The following PPP2R2D variants were observed in gnomAD, a reference collection of about 807,000 sequenced individuals.
The protein encoded by PPP2R2D is serine/threonine-protein phosphatase 2A 55 kDa regulatory subunit B delta isoform.
PPP2R2D carries 9 observed loss-of-function variants against 31.1 expected under a neutral mutation model. The ratio of observed to expected loss-of-function variants is 0.29; its 90% CI spans 0.17 to 0.51. The LOEUF is 0.51. Ranked by LOEUF, PPP2R2D falls within the 20% of genes least tolerant of loss-of-function variation. The probability of loss-of-function intolerance (pLI) is 0.98; values close to 1 mark genes in which losing one functional copy is unlikely to be tolerated. For missense variants in PPP2R2D, 391 were observed against 465.6 expected (o/e 0.84, Z 1.48); for synonymous variants, 179 against 172.6 (o/e 1.04, Z -0.29).
chr10:131,910,263 G>T (rs1589922339), intron 2 of PPP2R2D, among the ~76,000 whole-genome samples: 1 of 152,072 alleles, frequency 6.6e-6, no homozygotes, highest in Non-Finnish European at 1.5e-5. Context: ...ATCACACGGG[G>T]GTTGTTTGGA....
At chr10:131,961,860 T>G (rs2120118000), downstream of PPP2R2D, among the ~76,000 whole-genome samples, 6 of 151,848 alleles carry the variant, frequency 4.0e-5, 2 homozygotes, top group Admixed American at 3.9e-4. Flanking sequence ...TCTTAAGGAC[T>G]GACAGTCTCC....
At chr10:131,922,053 T>G (rs1393804863) in intron 2 of PPP2R2D, among the ~76,000 whole-genome samples, 1 of 152,108 alleles carries the variant, frequency 6.6e-6, no homozygotes, top group African/African-American at 2.4e-5. Flanking sequence ...TTGAAAAGAG[T>G]GGCCCTACCT....
At chr10:131,964,328 GTTTT>G (rs880000811), downstream of PPP2R2D, among the ~76,000 whole-genome samples, 3 of 148,906 alleles carry the variant, frequency 2.0e-5, no homozygotes, top group Non-Finnish European at 1.5e-5. Flanking sequence ...GTGACTTTGT[GTTTT>G]TTTTTTGTTT....
At chr10:131,961,906 C>T (rs982984150), downstream of PPP2R2D, among the ~76,000 whole-genome samples, 4 of 152,042 alleles carry the variant, frequency 2.6e-5, no homozygotes, top group South Asian at 4.1e-4. Flanking sequence ...TAATTTCATG[C>T]GCCTCCGCCT....
downstream of PPP2R2D, among the ~76,000 whole-genome samples, chr10:131,960,986 C>T (rs1411143169): frequency 2.0e-5 from 3 of 152,028 alleles, no homozygotes; most frequent in African/African-American, 7.3e-5. Flanking sequence ...TCTTCTGTGG[C>T]GAGCTGTCCT....
At chr10:131,968,540 G>A in the PPP2R2D span, 1 of 1,601,888 alleles carries the variant, frequency 6.2e-7, no homozygotes, top group Middle Eastern at 1.7e-4. Context: ...GGTGCTGGTG[G>A]AGGTTGTCAG....
intron 8 of PPP2R2D, among the ~76,000 whole-genome samples, chr10:131,952,353 G>T (rs2119987185): frequency 1.4e-5 from 1 of 73,664 alleles, no homozygotes; most frequent in Non-Finnish European, 2.4e-5. Flanking sequence ...TGTGTGGGGG[G>T]GGTTCACTGT....
At chr10:131,964,246 G>A (rs1668733136), downstream of PPP2R2D, among the ~76,000 whole-genome samples, 1 of 152,086 alleles carries the variant, frequency 6.6e-6, no homozygotes, top group Non-Finnish European at 1.5e-5. Flanking sequence ...GACACAATGA[G>A]AATATCCTCT....
intron 7 of PPP2R2D, chr10:131,946,040 A>C (rs1427354550): frequency 1.3e-5 from 2 of 150,834 alleles, no homozygotes; most frequent in Admixed American, 1.3e-4. Context: ...GCCAGCACTG[A>C]GTCCCGCCAA....
In PPP2R2D at chr10:131,958,790, G is replaced by A. The variant is rs1554900792; in HGVS notation, c.*2827G>A. ...CCCTGTGGAGATGGAGGTGTGTGCT[G>A]ATCCCCCGTCCCCCTGTGGAGATGG... On this transcript the variant is annotated 3_prime_UTR_variant, in exon 9 of 9. Coordinates refer to ENST00000455566, the MANE Select transcript of PPP2R2D (RefSeq NM_018461.5). The A allele has an allele frequency of 3.8e-6, 1 of 266,570 alleles. No homozygotes were observed. Among genetic ancestry groups the A allele is most frequent in the Non-Finnish European group, 7.2e-6 (1 of 138,422 alleles). 16.5% of individuals were successfully genotyped at this position (266,570 alleles called of 1,614,324 possible). A position where few individuals can be genotyped will look rare whatever the true frequency, so the allele number is the denominator to read the frequency against.
chr10:131,901,787 C>G (rs2035503183), intron 2 of PPP2R2D, among the ~76,000 whole-genome samples: 1 of 152,072 alleles, frequency 6.6e-6, no homozygotes, highest in Non-Finnish European at 1.5e-5. Flanking sequence ...GGGGCCTCGG[C>G]CCCCACCAGG....
intron 2 of PPP2R2D, among the ~76,000 whole-genome samples, chr10:131,908,056 C>G (rs1210196006): frequency 6.6e-6 from 1 of 152,162 alleles, no homozygotes; most frequent in Non-Finnish European, 1.5e-5. Context: ...GCTGTTGCAA[C>G]TTGAAAAGTG....
At chr10:131,922,204 C>T (rs190378414) in intron 2 of PPP2R2D, among the ~76,000 whole-genome samples, 1 of 152,254 alleles carries the variant, frequency 6.6e-6, no homozygotes, top group Non-Finnish European at 1.5e-5. Context: ...AAAGATTGAC[C>T]GTTTCTCTCT....
intron 2 of PPP2R2D, among the ~76,000 whole-genome samples, chr10:131,927,102 T>G (rs782692039): frequency 1.3e-4 from 20 of 152,174 alleles, no homozygotes; most frequent in Non-Finnish European, 2.9e-5. Context: ...ACGGGGAGAT[T>G]ATGGCTGTTC....
chr10:131,940,721 T>C (rs1554897124), intron 5 of PPP2R2D, 27 bp downstream of exon 5: 2 of 755,936 alleles, frequency 2.6e-6, no homozygotes, highest in Non-Finnish European at 4.9e-6. Flanking sequence ...CTTTATCCAA[T>C]GCTGTTGAGA....
chr10:131,925,276 C>T (rs577348884), intron 2 of PPP2R2D, among the ~76,000 whole-genome samples: 1 of 152,306 alleles, frequency 6.6e-6, no homozygotes, highest in African/African-American at 2.4e-5. Context: ...GTGATGTTAG[C>T]TGTGGTTTTT....
chr10:131,955,653 G>A, intron 8 of PPP2R2D, 31 bp from the exon 9 acceptor site: 2 of 1,373,302 alleles, frequency 1.5e-6, no homozygotes, highest in Non-Finnish European at 1.9e-6. Context: ...CCCCACTGAG[G>A]AGTGCTGCTG....
intron 8 of PPP2R2D, 63 bp from the exon 9 acceptor site, chr10:131,955,621 T>C (rs1251218421): frequency 1.5e-6 from 2 of 1,344,970 alleles, no homozygotes; most frequent in Non-Finnish European, 1.9e-6. Context: ...AGGGGTGGGG[T>C]CTGAGTCCTT....
chr10:131,931,977 C>G (rs1197892359), intron 2 of PPP2R2D, among the ~76,000 whole-genome samples: 2 of 151,858 alleles, frequency 1.3e-5, no homozygotes, highest in Non-Finnish European at 2.9e-5. Context: ...ATCTCTGTGC[C>G]AGCCCCTTGC....
Sources: allele counts gnomAD v4.1 joint callset (sites outside exome capture counted in the v4.1 genomes callset), GRCh38; gene constraint gnomAD v4.1.1; transcripts MANE v1.5; gene names NCBI Gene and HGNC (gene_info 2026-07-23, HGNC 2026-07-21).